NUP98: variants seen among roughly 807,000 people sequenced by gnomAD.
The protein encoded by NUP98 is nucleoporin 98 and 96 precursor.
NUP98 carries 26 observed loss-of-function variants against 191.9 expected under a neutral mutation model. That is an observed-to-expected ratio of 0.14 (90% CI 0.10 to 0.19). NUP98 has a LOEUF of 0.19. Among genes scored for constraint, NUP98 ranks in the 10% least tolerant of loss-of-function variants. NUP98 has a pLI of 1.00. For missense variants in NUP98, 1,941 were observed against 2,178.8 expected, an observed-to-expected ratio of 0.89 and a Z score of 2.17; for synonymous variants, 808 against 778.4, an observed-to-expected ratio of 1.04 and a Z score of -0.63.
At chr11:3,777,458 TAA>T (rs1238449042) in intron 4 of NUP98, among the ~76,000 whole-genome samples, 4 of 151,104 alleles carry the variant, frequency 2.6e-5, no homozygotes. Flanking sequence ...CCATCTCTAC[TAA>T]AAATACAAAA....
At position 3,676,153 on chromosome 11, in the gene NUP98, T is replaced by C; in HGVS notation, c.*6A>G. 1.2e-6 allele frequency: 2 copies of C among 1,613,322 alleles called. No homozygotes were observed. The highest frequency in any genetic ancestry group is 1.7e-4 in the Middle Eastern group (1 of 5,868). ...GCATGTGACTGTGATGCAAAGTGCC[T>C]GGGGCTCACAGGCTCCCAACAGCCA... On this transcript the variant is annotated 3_prime_UTR_variant, in exon 33 of 33. Transcript: ENST00000324932.
At chr11:3,690,217 T>C (rs2078266940) in intron 28 of NUP98, among the ~76,000 whole-genome samples, 2 of 151,774 alleles carry the variant, frequency 1.3e-5, no homozygotes, top group Admixed American at 6.6e-5. Context: ...CCTCCCAAAG[T>C]GCTGGGATTA....
intron 2 of NUP98, 131 bp downstream of exon 2, chr11:3,781,910 AT>A: frequency 1.9e-6 from 1 of 539,568 alleles, no homozygotes; most frequent in Non-Finnish European, 3.2e-6. Flanking sequence ...TATCCTAATT[AT>A]TTTTTCAAGA....
At chr11:3,755,698 C>T (rs922416761) in intron 10 of NUP98, among the ~76,000 whole-genome samples, 11 of 152,192 alleles carry the variant, frequency 7.2e-5, no homozygotes, top group South Asian at 4.1e-4. Context: ...GGCGCAGTGG[C>T]TCACGCCTGT....
In NUP98 at chr11:3,713,920, G is replaced by T; in HGVS notation, c.2475C>A (p.Arg825=). The T allele has an allele frequency of 1.9e-6, 3 of 1,614,058 alleles. No individual in the cohort carries two copies. Among genetic ancestry groups the T allele is most frequent in the Non-Finnish European group, 2.5e-6 (3 of 1,179,998 alleles). The part of the protein sequence containing the change: ...TSRCLIKSPD[R]LADINYEGRL... Reference sequence around the variant, plus strand: ...TTCCTTCATAGTTGATATCAGCAAGGCGATCTGGGCTCTTTATTAAACAAC... The same window carrying T: ...TTCCTTCATAGTTGATATCAGCAAGTCGATCTGGGCTCTTTATTAAACAAC... Residue 825 remains arginine (R), a synonymous_variant, in exon 19 of 33, where the codon CGC becomes CGA. Transcript: ENST00000324932.
intron 4 of NUP98, among the ~76,000 whole-genome samples, chr11:3,778,155 C>T (rs2081815091): frequency 6.9e-6 from 1 of 144,636 alleles, no homozygotes; most frequent in African/African-American, 2.6e-5. Flanking sequence ...GCCGAGATTG[C>T]GCCACTACAC....
intron 21 of NUP98, 61 bp from the exon 22 acceptor site, chr11:3,705,417 A>G: frequency 6.4e-7 from 1 of 1,566,834 alleles, no homozygotes; most frequent in Non-Finnish European, 8.7e-7. Flanking sequence ...CATACCAAAA[A>G]AAAATGCAGT....
chr11:3,746,007 C>T (rs1181562929), intron 11 of NUP98, among the ~76,000 whole-genome samples: 3 of 152,102 alleles, frequency 2.0e-5, no homozygotes, highest in South Asian at 2.1e-4. Flanking sequence ...CGGTGCCTCA[C>T]GCCTGTAATC....
chr11:3,722,756 T>C (rs2079451761), intron 16 of NUP98, among the ~76,000 whole-genome samples: 1 of 152,072 alleles, frequency 6.6e-6, no homozygotes, highest in Non-Finnish European at 1.5e-5. Context: ...GAGGTTGCAG[T>C]GAGCCAAGAC....
Position 3,676,908 on chromosome 11 carries a change from A to G in NUP98, c.5074-288T>C, listed in dbSNP as rs1213923175. 2.6e-5 allele frequency among the ~76,000 whole-genome samples: 4 copies of G among 152,200 alleles called. No individual in the cohort carries two copies. The East Asian group carries it at 7.7e-4, about 29-fold the overall frequency. ...AACACAGCACCAAAAATCAAGATAA[A>G]TTGGGTTCAGAGAGATGGTATGACT... On this transcript the variant is annotated intron_variant, in intron 31 of 32. Coordinates refer to ENST00000324932, the MANE Select transcript of NUP98 (RefSeq NM_016320.5).
intron 31 of NUP98, among the ~76,000 whole-genome samples, chr11:3,677,625 C>A (rs1290942975): frequency 6.6e-6 from 1 of 152,060 alleles, no homozygotes; most frequent in African/African-American, 2.4e-5. Context: ...ATCTCCCCCA[C>A]AAAATCATTA....
Position 3,764,699 on chromosome 11 carries a change from C to G in NUP98, c.949-1660G>C, listed in dbSNP as rs140790699. On this transcript the variant is annotated intron_variant, in intron 8 of 32. Transcript: ENST00000324932. ...GTTCAAGAGATTCTCCTGCCTCAGC[C>G]CCCTGAGTAGCTGGAACTACAGGTG... is the stretch of plus-strand genomic sequence containing the variant. Among the ~76,000 whole-genome samples the G allele has an allele frequency of 7.6e-4, 116 of 152,274 alleles. No homozygotes were observed. In the East Asian group the frequency reaches 0.018, roughly 23 times the overall value.
intron 17 of NUP98, 46 bp downstream of exon 17, chr11:3,720,666 G>T: frequency 3.0e-6 from 3 of 1,004,768 alleles, no homozygotes; most frequent in Non-Finnish European, 3.1e-6. Context: ...ACAAAAATAA[G>T]GTGCAACTCT....
At chr11:3,718,132 T>C (rs2079253386) in intron 18 of NUP98, among the ~76,000 whole-genome samples, 1 of 152,230 alleles carries the variant, frequency 6.6e-6, no homozygotes, top group Non-Finnish European at 1.5e-5. Flanking sequence ...TGGAAGAGTC[T>C]GAGTAGGACT....
chr11:3,721,057 A>G, intron 16 of NUP98: 1 of 295,186 alleles, frequency 3.4e-6, no homozygotes, highest in South Asian at 6.6e-5. Context: ...ATGATACATC[A>G]AAGAGTCTAA....
At chr11:3,778,198 CAAA>C (rs71302029) in intron 4 of NUP98, among the ~76,000 whole-genome samples, 6 of 60,508 alleles carry the variant, frequency 9.9e-5, no homozygotes, top group Middle Eastern at 8.3e-3. Context: ...GACTCCATCT[CAAA>C]AAAAAAAAAA....
chr11:3,723,232 T>C lies in NUP98; in HGVS notation c.2071A>G (p.Thr691Ala). 1 of 1,614,164 alleles carries C rather than the reference T, an allele frequency of 6.2e-7. No homozygotes were observed. The highest frequency in any genetic ancestry group is 8.5e-7 in the Non-Finnish European group (1 of 1,180,022). The change falls in exon 16 of 33, where the codon ACG (threonine) becomes GCG (alanine). Residue 691 changes from threonine to alanine, a missense_variant. By Grantham distance (58) the Thr-to-Ala change is moderately conservative. Around this residue, in one of 6 missense-constraint regions of NUP98, gnomAD observed 453 missense variants for 438.2 expected, o/e 1.03. Transcript: ENST00000324932. Reference protein sequence around the residue: ...RNGLEGSSEETSFHDESLQDD... With the variant: ...RNGLEGSSEEASFHDESLQDD... ...TGAAGTGACTCATCATGAAAAGACG[T>C]TTCTTCACTGCTTCCTTCCAGCCCA... is the stretch of plus-strand genomic sequence containing the variant.
intron 1 of NUP98, among the ~76,000 whole-genome samples, chr11:3,787,689 T>C (rs983656305): frequency 6.6e-6 from 1 of 151,940 alleles, no homozygotes; most frequent in African/African-American, 2.4e-5. Context: ...TTAAACTCTT[T>C]ATTAGTATAA....
In NUP98 at chr11:3,706,488, G is replaced by A. The variant is rs772698239; in HGVS notation, c.2882C>T (p.Thr961Ile). The A allele has an allele frequency of 2.5e-6, 4 of 1,614,102 alleles. No homozygotes were observed. Among genetic ancestry groups the A allele is most frequent in the South Asian group, 1.1e-5 (1 of 91,078 alleles). Residue 961 changes from threonine (T) to isoleucine (I), a missense_variant, in exon 21 of 33, where the codon ACA becomes ATA. Physicochemically the swap from Thr to Ile is moderately conservative, Grantham distance 89. Around this residue, in one of 6 missense-constraint regions of NUP98, gnomAD observed 1,030 missense variants for 1,115.8 expected, o/e 0.92. Transcript: ENST00000324932. ...PEDQEPVSAS[T>I]HIASSLGINP... ...AATTCCCAGTGAAGATGCAATATGTGTTGAGGCAGACACAGGTTCCTGATC... is the reference window on the plus strand; with the variant it reads ...AATTCCCAGTGAAGATGCAATATGTATTGAGGCAGACACAGGTTCCTGATC...
Sources: allele counts gnomAD v4.1 joint callset (sites outside exome capture counted in the v4.1 genomes callset), GRCh38; gene constraint gnomAD v4.1.1; regional missense constraint gnomAD v4.1.1; transcripts MANE v1.5; gene names NCBI Gene and HGNC (gene_info 2026-07-23, HGNC 2026-07-21).